Variants in SLC15A2 observed in about 807,000 individuals in gnomAD.
SLC15A2 encodes the protein solute carrier family 15 member 2, also known as kidney H(+)/peptide cotransporter.
Under a neutral mutation model 95.5 loss-of-function variants are expected in SLC15A2, and 77 were observed. The observed-to-expected ratio is 0.81, with a 90% CI of 0.67 to 0.97. The LOEUF is 0.97. Among genes scored for constraint, SLC15A2 ranks in the 50% least tolerant of loss-of-function variants. The pLI is 0.00. For missense variants in SLC15A2, 893 were observed against 874.4 expected, an observed-to-expected ratio of 1.02 and a Z score of -0.27; for synonymous variants, 306 against 306.9, an observed-to-expected ratio of 1.00 and a Z score of 0.03.
intron 3 of SLC15A2, among the ~76,000 whole-genome samples, chr3:121,905,523 T>C (rs961099832): frequency 1.3e-5 from 2 of 152,248 alleles, no homozygotes; most frequent in African/African-American, 4.8e-5. Flanking sequence ...GCTTTAAATG[T>C]GTCCCAGAGA....
intron 8 of SLC15A2, 70 bp from the exon 9 acceptor site, chr3:121,922,705 A>G (rs1366954471): frequency 5.6e-6 from 6 of 1,071,946 alleles, no homozygotes; most frequent in Non-Finnish European, 8.4e-6. Context: ...GAAGGAAGGT[A>G]TAATAAGTTG....
At chr3:121,896,332 A>C in intron 1 of SLC15A2, 74 bp from the exon 2 acceptor site, 1 of 1,168,904 alleles carries the variant, frequency 8.6e-7, no homozygotes, top group Non-Finnish European at 1.3e-6. Context: ...TGAATTTTTC[A>C]GTTTTGAAGA....
chr3:121,929,500 T>C (rs1710189001), intron 17 of SLC15A2, 152 bp downstream of exon 17: 1 of 737,026 alleles, frequency 1.4e-6, no homozygotes, highest in African/African-American at 1.8e-5. Context: ...TCTAGGACAG[T>C]GAGAGGCAGA....
chr3:121,896,298 C>A, intron 1 of SLC15A2, 108 bp from the exon 2 acceptor site: 1 of 855,712 alleles, frequency 1.2e-6, no homozygotes, highest in Non-Finnish European at 2.0e-6. Context: ...TGCTCCATTA[C>A]CTACCAAGAT....
chr3:121,897,948 G>A (rs1187428421), intron 3 of SLC15A2, among the ~76,000 whole-genome samples: 2 of 152,100 alleles, frequency 1.3e-5, no homozygotes, highest in African/African-American at 2.4e-5. Context: ...GATTGCCTGA[G>A]GTGAGGAGTT....
chr3:121,929,775 T>C (rs548056624), intron 17 of SLC15A2, among the ~76,000 whole-genome samples: 6 of 152,310 alleles, frequency 3.9e-5, no homozygotes, highest in Non-Finnish European at 8.8e-5. Flanking sequence ...TAGCACACAT[T>C]TGGAGTCAAA....
In SLC15A2 at chr3:121,896,325, A is replaced by G. The variant is rs888652576; in HGVS notation, c.106-81A>G. 3.6e-6 allele frequency: 4 copies of G among 1,101,114 alleles called. No homozygotes were observed. The South Asian group carries it at 3.7e-5, about 10-fold the overall frequency. 68.2% of individuals were successfully genotyped at this position (1,101,114 alleles called of 1,614,324 possible). On this transcript the variant is annotated intron_variant, in intron 1 of 21. Transcript: ENST00000489711. ...TACCAAGATGATTTGAAATAAATGA[A>G]TTTTTCAGTTTTGAAGAAATCTAAT... is the stretch of plus-strand genomic sequence containing the variant.
At position 121,929,078 on chromosome 3, in the gene SLC15A2, T is replaced by C; in HGVS notation, c.1438T>C (p.Ser480Pro). 1 of 1,614,168 alleles carries C rather than the reference T, an allele frequency of 6.2e-7. No individual in the cohort carries two copies. Among genetic ancestry groups the C allele is most frequent in the Non-Finnish European group, 8.5e-7 (1 of 1,179,986 alleles). ...CAATTTGTCTCTCTACACTGAGCAT[T>C]CTGTGCAGGAGAAGAACTGGTACAG... is the stretch of plus-strand genomic sequence containing the variant. ...YHNLSLYTEH[S>P]VQEKNWYSLV... Residue 480 changes from serine (S) to proline (P), a missense_variant, in exon 16 of 22, where the codon TCT becomes CCT. Ser to Pro is a moderately conservative substitution (Grantham distance 74). Transcript: ENST00000489711.
chr3:121,910,708 G>T (rs1385808294), intron 3 of SLC15A2, among the ~76,000 whole-genome samples: 5 of 152,032 alleles, frequency 3.3e-5, no homozygotes, highest in South Asian at 2.1e-4. Context: ...AATTTCCAAG[G>T]TTCATTATAA....
rs189488640 is a variant in SLC15A2, at chr3:121,911,769, G to A, written c.428+103G>A. The A allele has an allele frequency of 2.4e-3, 1,858 of 780,024 alleles. 9 individuals carry two copies. Among genetic ancestry groups the A allele is most frequent in the Middle Eastern group, 0.023 (93 of 4,010 alleles). 48.3% of individuals were successfully genotyped at this position (780,024 alleles called of 1,614,324 possible). On this transcript the variant is annotated intron_variant, in intron 4 of 21. Transcript: ENST00000489711. ...GATGTCTCTTTATTTTCAATCTACA[G>A]TTTACTACAAAACTGGTTAAGAAAA...
chr3:121,935,657 TTTTC>T (rs556144525), intron 19 of SLC15A2, among the ~76,000 whole-genome samples: 3,837 of 152,138 alleles, frequency 0.025, 133 homozygotes, highest in African/African-American at 0.087. Context: ...TTCTCTCTTT[TTTTC>T]TTTATTAGTC....
chr3:121,919,042 G>A (rs1709952437), intron 7 of SLC15A2, among the ~76,000 whole-genome samples: 1 of 152,162 alleles, frequency 6.6e-6, no homozygotes. Context: ...AGGGGAACAC[G>A]GTGGCGCCCA....
chr3:121,899,315 T>C (rs1709479442), intron 3 of SLC15A2, among the ~76,000 whole-genome samples: 1 of 152,186 alleles, frequency 6.6e-6, no homozygotes, highest in African/African-American at 2.4e-5. Context: ...AAGCCTTAAC[T>C]GTACACCTTG....
rs375124132 is a variant in SLC15A2, at chr3:121,929,251, A to G, written c.1507-51A>G. 8.1e-6 allele frequency: 13 copies of G among 1,609,320 alleles called. No homozygotes were observed. The African/African-American group carries it at 1.5e-4, about 18-fold the overall frequency. ...TGCCTGATGATCAAATTTTCTGAGT[A>G]TAGGTCTTATTTCATCAGCTGTTAC... On this transcript the variant is annotated intron_variant, in intron 16 of 21. Coordinates refer to ENST00000489711, the MANE Select transcript of SLC15A2 (RefSeq NM_021082.4).
intron 21 of SLC15A2, 130 bp downstream of exon 21, chr3:121,940,618 TAC>T (rs1710442523): frequency 2.3e-6 from 2 of 861,098 alleles, no homozygotes; most frequent in East Asian, 5.3e-5. Context: ...GGGTTAGATA[TAC>T]AGACTTTACC....
intron 3 of SLC15A2, among the ~76,000 whole-genome samples, chr3:121,903,230 T>G (rs532007932): frequency 6.6e-6 from 1 of 152,334 alleles, no homozygotes; most frequent in African/African-American, 2.4e-5. Context: ...GTTTAAGTTC[T>G]TTGTAGATTC....
intron 3 of SLC15A2, among the ~76,000 whole-genome samples, chr3:121,901,392 A>G (rs1453257008): frequency 6.6e-6 from 1 of 152,220 alleles, no homozygotes; most frequent in Non-Finnish European, 1.5e-5. Flanking sequence ...TCGAATTCAT[A>G]AATTTATTCA....
intron 19 of SLC15A2, among the ~76,000 whole-genome samples, chr3:121,935,862 G>A (rs1422891111): frequency 6.6e-6 from 1 of 152,086 alleles, no homozygotes; most frequent in Non-Finnish European, 1.5e-5. Flanking sequence ...ATGTTAGGGT[G>A]TCAATTTTGA....
In SLC15A2 at chr3:121,913,129, C is replaced by A. The variant is rs1005299354; in HGVS notation, c.528+9C>A. 3.7e-6 allele frequency: 6 copies of A among 1,603,982 alleles called. No individual in the cohort carries two copies. Reference sequence around the variant, plus strand: ...AGTTTGAAGAAAAACATGTAAGAATCCTGTTATTTTGTATTTTCAAGAATA... The same window carrying A: ...AGTTTGAAGAAAAACATGTAAGAATACTGTTATTTTGTATTTTCAAGAATA... On this transcript the variant is annotated intron_variant, in intron 5 of 21. Coordinates refer to ENST00000489711, the MANE Select transcript of SLC15A2 (RefSeq NM_021082.4).
Sources: gnomAD v4.1 joint callset for allele counts (sites outside exome capture counted in the v4.1 genomes callset) on GRCh38, gnomAD v4.1.1 for gene constraint, MANE v1.5 for transcripts, NCBI Gene and HGNC (gene_info 2026-07-23, HGNC 2026-07-21) for gene names.